The following BAZ1B variants were observed in gnomAD, a reference collection of about 807,000 sequenced individuals.
BAZ1B encodes tyrosine-protein kinase BAZ1B.
In BAZ1B, 22 loss-of-function variants were observed where a neutral mutation model predicts 153.8. The observed-to-expected ratio is 0.14, with a 90% confidence interval of 0.10 to 0.20. The LOEUF (loss-of-function observed/expected upper bound fraction) is 0.20. Among genes scored for constraint, BAZ1B ranks in the 10% least tolerant of loss-of-function variants. BAZ1B has a pLI of 1.00. For missense variants in BAZ1B, 1,325 were observed against 1,799.3 expected, an observed-to-expected ratio of 0.74 and a Z score of 4.77; for synonymous variants, 676 against 633.4, an observed-to-expected ratio of 1.07 and a Z score of -1.01.
chr7:73,457,478 G>A (rs570909752), intron 13 of BAZ1B, among the ~76,000 whole-genome samples: 2 of 152,106 alleles, frequency 1.3e-5, no homozygotes, highest in Admixed American at 6.6e-5. Context: ...ACGCCCGGCC[G>A]GGACTCATTT....
At chr7:73,521,408 G>C (rs1471855091) in intron 1 of BAZ1B, among the ~76,000 whole-genome samples, 7 of 152,126 alleles carry the variant, frequency 4.6e-5, no homozygotes, top group Non-Finnish European at 7.4e-5. Flanking sequence ...CAAAACTTAA[G>C]CTGCAGGTTT....
At chr7:73,465,569 A>T in intron 10 of BAZ1B, 32 bp from the exon 11 acceptor site, 2 of 466,636 alleles carry the variant, frequency 4.3e-6, no homozygotes, top group Non-Finnish European at 6.2e-6. Context: ...GATAACTCTG[A>T]AAAAAAAAAA....
At chr7:73,453,705 C>G (rs1027905451) in intron 13 of BAZ1B, among the ~76,000 whole-genome samples, 5 of 152,182 alleles carry the variant, frequency 3.3e-5, no homozygotes, top group Non-Finnish European at 5.9e-5. Context: ...GAACACAGGG[C>G]CAGATGCGGT....
chr7:73,476,839 T>TCA (rs1459959716), intron 7 of BAZ1B, 29 bp downstream of exon 7: 1 of 1,566,822 alleles, frequency 6.4e-7, no homozygotes, highest in Non-Finnish European at 8.6e-7. Context: ...CTACAGAGCT[T>TCA]CCCCTTTTCT....
intron 11 of BAZ1B, 118 bp from the exon 12 acceptor site, chr7:73,463,217 T>G: frequency 1.5e-5 from 12 of 802,892 alleles, no homozygotes; most frequent in Non-Finnish European, 2.1e-5. Context: ...CTTTCACCTC[T>G]CCCTGGTGTT....
rs11984131 is a variant in BAZ1B at position 73,495,278 on chromosome 7, G to A, written c.572-2357C>T. Among the ~76,000 whole-genome samples, 734 of 152,142 alleles carry A rather than the reference G, an allele frequency of 4.8e-3. 8 individuals are homozygous for A. The highest frequency in any genetic ancestry group is 0.017 in the African/African-American group (702 of 41,518). Reference sequence around the variant, plus strand: ...AGCCTGGGTGACAGAGCGAGACTCCGTCTCAAAAATAAATAAATAAATAAA... The same window carrying A: ...AGCCTGGGTGACAGAGCGAGACTCCATCTCAAAAATAAATAAATAAATAAA... On this transcript the variant is annotated intron_variant, in intron 4 of 19. Coordinates refer to ENST00000339594, the MANE Select transcript of BAZ1B (RefSeq NM_032408.4).
At position 73,476,423 on chromosome 7, in the gene BAZ1B, G is replaced by A. The variant is rs529820143; in HGVS notation, c.2593+445C>T. Among the ~76,000 whole-genome samples the A allele has an allele frequency of 5.9e-5, 9 of 152,250 alleles. No homozygotes were observed. The South Asian group carries it at 1.0e-3, about 18-fold the overall frequency. ...CAGATTACTATCTGAGTTGGTGACCGTGCTAGGGGCTTCAAATACCTTGTC... is the reference window on the plus strand; with the variant it reads ...CAGATTACTATCTGAGTTGGTGACCATGCTAGGGGCTTCAAATACCTTGTC... On this transcript the variant is annotated intron_variant, in intron 7 of 19. Coordinates refer to ENST00000339594, the MANE Select transcript of BAZ1B (RefSeq NM_032408.4).
intron 6 of BAZ1B, among the ~76,000 whole-genome samples, chr7:73,488,647 G>A (rs1183183914): frequency 4.0e-5 from 6 of 151,404 alleles, no homozygotes; most frequent in Non-Finnish European, 7.4e-5. Flanking sequence ...AGAAGGAGAA[G>A]GAGGTTGCAG....
Position 73,478,041 on chromosome 7 carries a change from C to A in BAZ1B, c.1420G>T (p.Ala474Ser). The change falls in exon 7 of 20, where the codon GCA (alanine) becomes TCA (serine). Residue 474 changes from alanine to serine, a missense_variant. Ala to Ser is a moderately conservative substitution (Grantham distance 99). This residue lies in a region of BAZ1B where 219 missense variants were observed against 248.2 expected (regional missense o/e 0.88). Transcript: ENST00000339594. ...SSKPHKHLPP[A>S]ALHLIAYYKE... is the part of the protein sequence containing the mutation. ...TAGTATGCAATGAGGTGTAGGGCTGCAGGAGGCAGATGTTTATGAGGTTTA... is the reference window on the plus strand; with the variant it reads ...TAGTATGCAATGAGGTGTAGGGCTGAAGGAGGCAGATGTTTATGAGGTTTA... 1 of 1,614,122 alleles carries A rather than the reference C, an allele frequency of 6.2e-7. No homozygotes were observed. The highest frequency in any genetic ancestry group is 8.5e-7 in the Non-Finnish European group (1 of 1,180,004).
At chr7:73,451,888 C>T (rs1447436805) in intron 13 of BAZ1B, among the ~76,000 whole-genome samples, 1 of 152,192 alleles carries the variant, frequency 6.6e-6, no homozygotes, top group African/African-American at 2.4e-5. Context: ...CAAATCTTTT[C>T]AATGGAATAT....
Position 73,450,957 on chromosome 7 carries a change from C to A in BAZ1B, c.3470G>T (p.Arg1157Leu), listed in dbSNP as rs1554568048. The A allele has an allele frequency of 6.2e-7, 1 of 1,614,136 alleles. No individual in the cohort carries two copies. Among genetic ancestry groups the A allele is most frequent in the Admixed American group, 1.7e-5 (1 of 60,010 alleles). Reference sequence around the variant, plus strand: ...CATCCTGGAGAAAGTCTGAGCTTCCCGGATTGCTGTCTTCCATTTCTCCAG... The same window carrying A: ...CATCCTGGAGAAAGTCTGAGCTTCCAGGATTGCTGTCTTCCATTTCTCCAG... Reference protein sequence around the residue: ...SALEKWKTAIREAQTFSRMHV... With the variant: ...SALEKWKTAILEAQTFSRMHV... Residue 1157 changes from arginine (R) to leucine (L), a missense_variant, in exon 14 of 20, where the codon CGG becomes CTG. Coordinates refer to ENST00000339594, the MANE Select transcript of BAZ1B (RefSeq NM_032408.4). The surrounding 1 kb of genome is among the most constrained non-coding windows in gnomAD (Gnocchi z 4.1).
rs143662732 is a variant in BAZ1B at position 73,457,415 on chromosome 7, T to C, written c.3432+2121A>G. The stretch of plus-strand genomic sequence containing the variant: ...CTGGTCTCAAACTCCTGACCTCAGG[T>C]GATCTGCCCACCTCAGCCTCCCAAA... On this transcript the variant is annotated intron_variant, in intron 13 of 19. Transcript: ENST00000339594. Among the ~76,000 whole-genome samples, 698 of 151,936 alleles carry C rather than the reference T, an allele frequency of 4.6e-3. 3 individuals carry two copies. Among genetic ancestry groups the C allele is most frequent in the African/African-American group, 0.016 (663 of 41,424 alleles).
At chr7:73,519,061 A>G (rs1326449323) in intron 1 of BAZ1B, among the ~76,000 whole-genome samples, 2 of 152,210 alleles carry the variant, frequency 1.3e-5, no homozygotes, top group African/African-American at 4.8e-5. Context: ...ACAAAGCTAC[A>G]GTACAATCAA....
At chr7:73,501,923 C>G (rs1450106942) in intron 3 of BAZ1B, among the ~76,000 whole-genome samples, 1 of 143,680 alleles carries the variant, frequency 7.0e-6, no homozygotes, top group Non-Finnish European at 1.5e-5. Context: ...CGGAATCTCA[C>G]TCTGTCACCT....
intron 9 of BAZ1B, among the ~76,000 whole-genome samples, chr7:73,468,562 A>T (rs1459535785): frequency 6.6e-6 from 1 of 152,208 alleles, no homozygotes; most frequent in African/African-American, 2.4e-5. Flanking sequence ...TTTAAGAAAG[A>T]ATATGGATAT....
rs139369508 is a variant in BAZ1B at position 73,468,495 on chromosome 7, A to G, written c.2866+1022T>C. Among the ~76,000 whole-genome samples the G allele has an allele frequency of 1.6e-4, 24 of 152,220 alleles. No homozygotes were observed. In the East Asian group the frequency reaches 4.4e-3, roughly 28 times the overall value. ...AAACCTGACCTAACCTAACCATCTT[A>G]TTTTTTTAATTAAAATTTGTTTTAT... On this transcript the variant is annotated intron_variant, in intron 9 of 19. Coordinates refer to ENST00000339594, the MANE Select transcript of BAZ1B (RefSeq NM_032408.4).
intron 8 of BAZ1B, 60 bp downstream of exon 8, chr7:73,470,285 C>T: frequency 6.7e-7 from 1 of 1,485,800 alleles, no homozygotes; most frequent in Non-Finnish European, 9.0e-7. Context: ...AGAAAATTTT[C>T]CTAACTAATA....
chr7:73,488,613 T>C (rs1353157370), intron 6 of BAZ1B, among the ~76,000 whole-genome samples: 1 of 148,754 alleles, frequency 6.7e-6, no homozygotes, highest in Non-Finnish European at 1.5e-5. Flanking sequence ...ATGCCTGTAA[T>C]CCCAGCTACT....
At chr7:73,510,225 T>C (rs553535816) in intron 2 of BAZ1B, among the ~76,000 whole-genome samples, 1 of 151,702 alleles carries the variant, frequency 6.6e-6, no homozygotes, top group African/African-American at 2.4e-5. Context: ...GTCAGGAGAT[T>C]GAGACCATCC....
Sources: allele counts gnomAD v4.1 joint callset (sites outside exome capture counted in the v4.1 genomes callset), GRCh38; gene constraint gnomAD v4.1.1; regional missense constraint gnomAD v4.1.1; non-coding constraint Gnocchi (gnomAD v3.1); transcripts MANE v1.5; gene names NCBI Gene and HGNC (gene_info 2026-07-23, HGNC 2026-07-21).